Variants in EEPD1 observed in about 807,000 individuals in gnomAD.
EEPD1 encodes the protein endonuclease/exonuclease/phosphatase family domain containing 1.
A neutral mutation model predicts 46.3 loss-of-function variants in EEPD1; 17 were observed. The ratio of observed to expected loss-of-function variants is 0.37; its 90% CI spans 0.25 to 0.55. The LOEUF (loss-of-function observed/expected upper bound fraction) is 0.55. Among genes scored for constraint, EEPD1 ranks in the 20% least tolerant of loss-of-function variants. The pLI is 0.83. For synonymous variants in EEPD1, 313 were observed against 315.6 expected, an observed-to-expected ratio of 0.99 and a Z score of 0.09; for missense variants, 673 against 745.6, an observed-to-expected ratio of 0.90 and a Z score of 1.13.
intron 2 of EEPD1, among the ~76,000 whole-genome samples, chr7:36,157,574 G>A (rs890261437): frequency 6.6e-6 from 1 of 152,188 alleles, no homozygotes; most frequent in African/African-American, 2.4e-5. Context: ...AACCCACCAG[G>A]GTGTAGAAGG....
intron 3 of EEPD1, among the ~76,000 whole-genome samples, chr7:36,255,308 T>C (rs1786810160): frequency 6.6e-6 from 1 of 152,234 alleles, no homozygotes; most frequent in East Asian, 1.9e-4. Flanking sequence ...TTGAGTTAAT[T>C]TTTGTATAAA....
Position 36,153,360 on chromosome 7 carries a change from G to C in EEPD1, c.-507G>C, listed in dbSNP as rs1444683375. The stretch of plus-strand genomic sequence containing the variant: ...GAGTTGGGCGCAGGACTTTTTGCCG[G>C]GGTAAACGCAACTGCGGCGGCGCCG... On this transcript the variant is annotated 5_prime_UTR_variant, in exon 1 of 8. Transcript: ENST00000242108. The C allele has an allele frequency of 6.6e-6, 1 of 152,174 alleles. No homozygotes were observed. The highest frequency in any genetic ancestry group is 1.5e-5 in the Non-Finnish European group (1 of 68,046). 9.4% of individuals were successfully genotyped at this position (152,174 alleles called of 1,614,324 possible). A position where few individuals can be genotyped will look rare whatever the true frequency, so the allele number is the denominator to read the frequency against.
chr7:36,224,568 C>T (rs564795707), intron 2 of EEPD1, among the ~76,000 whole-genome samples: 1 of 152,278 alleles, frequency 6.6e-6, no homozygotes, highest in East Asian at 1.9e-4. Context: ...AAATATGTGG[C>T]ATCCTCAGTA....
At chr7:36,220,947 C>G (rs1786134540) in intron 2 of EEPD1, among the ~76,000 whole-genome samples, 1 of 152,022 alleles carries the variant, frequency 6.6e-6, no homozygotes, top group South Asian at 2.1e-4. Flanking sequence ...TTATAGGTGC[C>G]CACCACCACA....
At chr7:36,207,816 G>A (rs11979124) in intron 2 of EEPD1, among the ~76,000 whole-genome samples, 17,476 of 151,544 alleles carry the variant, frequency 0.12, 1,024 homozygotes, top group Middle Eastern at 0.18. Context: ...AGTCTTAGAA[G>A]AAGAGTCACC....
At chr7:36,245,611 C>T (rs1232794908) in intron 3 of EEPD1, among the ~76,000 whole-genome samples, 1 of 152,178 alleles carries the variant, frequency 6.6e-6, no homozygotes, top group Admixed American at 6.5e-5. Context: ...AGTTCCCAGA[C>T]TAGTAAAAGT....
intron 4 of EEPD1, among the ~76,000 whole-genome samples, chr7:36,283,204 G>C (rs972289417): frequency 1.3e-5 from 2 of 152,218 alleles, no homozygotes; most frequent in Non-Finnish European, 2.9e-5. Context: ...TGTTCCTCCG[G>C]CTGCTGTTCT....
intron 2 of EEPD1, among the ~76,000 whole-genome samples, chr7:36,189,802 T>C (rs1354365117): frequency 1.3e-5 from 2 of 152,214 alleles, no homozygotes; most frequent in Non-Finnish European, 2.9e-5. Context: ...TCTGACATTT[T>C]AAGCAAATTA....
chr7:36,233,439 C>T (rs1252984794), intron 2 of EEPD1, among the ~76,000 whole-genome samples: 2 of 152,236 alleles, frequency 1.3e-5, no homozygotes, highest in Non-Finnish European at 2.9e-5. Flanking sequence ...CTGAAGGCCT[C>T]CAGGCCTGGT....
intron 3 of EEPD1, among the ~76,000 whole-genome samples, chr7:36,267,235 T>C (rs1459968696): frequency 6.6e-6 from 1 of 152,196 alleles, no homozygotes; most frequent in Non-Finnish European, 1.5e-5. Context: ...CCATGGACTT[T>C]TCAAAATTCA....
chr7:36,156,016 G>A (rs953511647), intron 2 of EEPD1, among the ~76,000 whole-genome samples: 1 of 152,228 alleles, frequency 6.6e-6, no homozygotes, highest in African/African-American at 2.4e-5. Context: ...ACTGTATAAT[G>A]TAATCAGGTG....
intron 2 of EEPD1, among the ~76,000 whole-genome samples, chr7:36,204,290 C>T (rs990899917): frequency 9.9e-5 from 15 of 152,190 alleles, no homozygotes; most frequent in Admixed American, 9.8e-4. Context: ...CCCACCTCAG[C>T]GTCCCAAAGC....
intron 3 of EEPD1, among the ~76,000 whole-genome samples, chr7:36,251,298 G>GTTTCTTTCTTTCTTTC (rs372389551): frequency 1.1e-4 from 17 of 151,684 alleles, no homozygotes; most frequent in African/African-American, 4.1e-4. Flanking sequence ...CTACTGGTAG[G>GTTTCTTTCTTTCTTTC]TTTCTTTCTT....
intron 4 of EEPD1, among the ~76,000 whole-genome samples, chr7:36,283,393 CG>C (rs775118341): frequency 1.1e-4 from 17 of 152,082 alleles, no homozygotes; most frequent in Admixed American, 2.0e-4. Flanking sequence ...CCAGGGCCAT[CG>C]GGGAGCCCCT....
At position 36,153,403 on chromosome 7, in the gene EEPD1, G is replaced by A. The variant is rs993919045; in HGVS notation, c.-464G>A. On this transcript the variant is annotated 5_prime_UTR_variant, in exon 1 of 8. Coordinates refer to ENST00000242108, the MANE Select transcript of EEPD1 (RefSeq NM_030636.3). ...CGGCGCCGCCGCAAGCCCCGGTGCA[G>A]CCTCGGCGGCGGGTTTCGCCGCCGC... 1 of 152,268 alleles carries A rather than the reference G, an allele frequency of 6.6e-6. No individual in the cohort carries two copies. The highest frequency in any genetic ancestry group is 2.4e-5 in the African/African-American group (1 of 41,458). The allele number at this position is 152,268 out of a possible 1,614,324, so 9.4% of individuals were successfully genotyped here.
intron 2 of EEPD1, among the ~76,000 whole-genome samples, chr7:36,184,748 T>C (rs1785334373): frequency 6.6e-6 from 1 of 152,156 alleles, no homozygotes; most frequent in Non-Finnish European, 1.5e-5. Flanking sequence ...AAAATTTTTT[T>C]GAGACAGGGT....
At chr7:36,171,338 A>G (rs138285322) in intron 2 of EEPD1, among the ~76,000 whole-genome samples, 1 of 152,362 alleles carries the variant, frequency 6.6e-6, no homozygotes, top group African/African-American at 2.4e-5. Context: ...CAGAAAAGCC[A>G]AAACTCATGT....
intron 2 of EEPD1, among the ~76,000 whole-genome samples, chr7:36,197,941 A>G (rs1272459501): frequency 6.6e-6 from 1 of 152,214 alleles, no homozygotes; most frequent in Non-Finnish European, 1.5e-5. Context: ...CAACAATACT[A>G]GAATAGCATT....
At chr7:36,258,850 C>T (rs1244490015) in intron 3 of EEPD1, among the ~76,000 whole-genome samples, 6 of 141,726 alleles carry the variant, frequency 4.2e-5, no homozygotes, top group African/African-American at 1.3e-4. Context: ...GTGAACAGTT[C>T]GGTTTTGCTG....
Sources: gnomAD v4.1 joint callset for allele counts (sites outside exome capture counted in the v4.1 genomes callset) on GRCh38, gnomAD v4.1.1 for gene constraint, MANE v1.5 for transcripts, NCBI Gene and HGNC (gene_info 2026-07-23, HGNC 2026-07-21) for gene names.